EXOC6B: variants seen among roughly 807,000 people sequenced by gnomAD.
The protein encoded by EXOC6B is exocyst complex component 6B.
A neutral mutation model predicts 113.5 loss-of-function variants in EXOC6B; 54 were observed. The ratio of observed to expected loss-of-function variants is 0.48; its 90% confidence interval spans 0.38 to 0.60. The LOEUF is 0.60. Among genes scored for constraint, EXOC6B ranks in the 20% least tolerant of loss-of-function variants. EXOC6B has a pLI of 0.00. For synonymous variants in EXOC6B, 357 were observed against 339.0 expected, an observed-to-expected ratio of 1.05 and a Z score of -0.58; for missense variants, 797 against 977.5, an observed-to-expected ratio of 0.82 and a Z score of 2.46.
At chr2:72,520,401 TAGA>T (rs1701425575) in intron 8 of EXOC6B, among the ~76,000 whole-genome samples, 1 of 152,252 alleles carries the variant, frequency 6.6e-6, no homozygotes. Context: ...TCCTGTTTCA[TAGA>T]GGCAATTCTT....
Position 72,179,221 on chromosome 2 carries a change from A to C in EXOC6B, c.*114T>G. On this transcript the variant is annotated 3_prime_UTR_variant, in exon 22 of 22. Coordinates refer to ENST00000272427, the MANE Select transcript of EXOC6B (RefSeq NM_015189.3). The stretch of plus-strand genomic sequence containing the variant: ...GAATACTGCACAGGGGTTAATAAAA[A>C]AATACATATGCTCTCTTTGAAGAAG... The C allele has an allele frequency of 7.9e-7, 1 of 1,263,820 alleles. No individual in the cohort carries two copies. Among genetic ancestry groups the C allele is most frequent in the Non-Finnish European group, 1.1e-6 (1 of 934,340 alleles). 78.3% of individuals were successfully genotyped at this position (1,263,820 alleles called of 1,614,324 possible). A position where few individuals can be genotyped will look rare whatever the true frequency, so the allele number is the denominator to read the frequency against.
chr2:72,536,330 G>A (rs12998681), intron 8 of EXOC6B, among the ~76,000 whole-genome samples: 129,405 of 152,168 alleles, frequency 0.85, 55,581 homozygotes, highest in East Asian at 0.99. Context: ...AGATTGTACT[G>A]TCAACTGTAT....
chr2:72,213,854 A>C (rs1214606702), intron 20 of EXOC6B, among the ~76,000 whole-genome samples: 1 of 152,132 alleles, frequency 6.6e-6, no homozygotes, highest in African/African-American at 2.4e-5. Flanking sequence ...CTGGACACGG[A>C]ATCTGCCTTG....
rs185634150 is a variant in EXOC6B, at chr2:72,825,732, C to G, written c.113+66G>C. On this transcript the variant is annotated intron_variant, in intron 1 of 21. Coordinates refer to ENST00000272427, the MANE Select transcript of EXOC6B (RefSeq NM_015189.3). The surrounding 1 kb of genome is among the most constrained non-coding windows in gnomAD (Gnocchi z 4.4). ...ACCTGGGGACAGCCGGCCGGAGGCC[C>G]GACCCAGAGGAGCCTGCCCCGTCCC... 413 of 1,479,968 alleles carry G rather than the reference C, an allele frequency of 2.8e-4. No individual in the cohort carries two copies. Among genetic ancestry groups the G allele is most frequent in the Admixed American group, 6.6e-4 (31 of 46,782 alleles). The allele number at this position is 1,479,968 out of a possible 1,614,324, so 91.7% of individuals were successfully genotyped here.
chr2:72,533,124 A>G (rs1702102464), intron 8 of EXOC6B, among the ~76,000 whole-genome samples: 1 of 152,188 alleles, frequency 6.6e-6, no homozygotes, highest in Non-Finnish European at 1.5e-5. Flanking sequence ...GGAGGACCCA[A>G]ATGCAGCCTG....
intron 18 of EXOC6B, among the ~76,000 whole-genome samples, chr2:72,420,312 C>T (rs767591155): frequency 2.6e-4 from 40 of 152,104 alleles, no homozygotes; most frequent in Middle Eastern, 3.4e-3. Context: ...TAGGTATACA[C>T]GTGCCATAGT....
intron 19 of EXOC6B, among the ~76,000 whole-genome samples, chr2:72,343,686 T>G (rs2104915100): frequency 6.6e-6 from 1 of 152,240 alleles, no homozygotes; most frequent in South Asian, 2.1e-4. Flanking sequence ...TTTTTTCAGA[T>G]ATGTATATAA....
chr2:72,634,618 C>T (rs1275033802), intron 6 of EXOC6B, among the ~76,000 whole-genome samples: 1 of 152,168 alleles, frequency 6.6e-6, no homozygotes, highest in Admixed American at 6.5e-5. Context: ...GGGACTTCAG[C>T]ACCTCCACCT....
At chr2:72,666,385 A>G (rs1675390711) in intron 6 of EXOC6B, among the ~76,000 whole-genome samples, 1 of 152,132 alleles carries the variant, frequency 6.6e-6, no homozygotes, top group African/African-American at 2.4e-5. Flanking sequence ...GATCAACCAC[A>G]TGCTTGGTCA....
At chr2:72,268,761 T>A (rs1684294470) in intron 20 of EXOC6B, among the ~76,000 whole-genome samples, 1 of 151,962 alleles carries the variant, frequency 6.6e-6, no homozygotes, top group African/African-American at 2.4e-5. Context: ...TAAAGGAGTG[T>A]GGCACCTCCC....
intron 20 of EXOC6B, among the ~76,000 whole-genome samples, chr2:72,210,121 C>T (rs2104380737): frequency 6.6e-6 from 1 of 152,250 alleles, no homozygotes; most frequent in South Asian, 2.1e-4. Context: ...TGCTCTCAGC[C>T]TCCTCCCTAG....
At chr2:72,353,573 C>T (rs1689793606) in intron 19 of EXOC6B, among the ~76,000 whole-genome samples, 1 of 151,904 alleles carries the variant, frequency 6.6e-6, no homozygotes. Flanking sequence ...AGGGTTTCAC[C>T]ATGTTGGCCA....
chr2:72,568,865 TA>T (rs1207976004), intron 7 of EXOC6B, among the ~76,000 whole-genome samples: 2 of 149,874 alleles, frequency 1.3e-5, no homozygotes, highest in African/African-American at 5.0e-5. Context: ...AATGAGAATA[TA>T]AAAGAGAAAT....
chr2:72,728,489 G>T (rs569711322), intron 5 of EXOC6B, among the ~76,000 whole-genome samples: 1 of 152,088 alleles, frequency 6.6e-6, no homozygotes, highest in African/African-American at 2.4e-5. Context: ...TATCAGTAAG[G>T]ATAGTTATAG....
At chr2:72,428,766 G>T (rs960971811) in intron 18 of EXOC6B, among the ~76,000 whole-genome samples, 7 of 152,186 alleles carry the variant, frequency 4.6e-5, no homozygotes, top group African/African-American at 1.4e-4. Context: ...AATAGCCTTT[G>T]CAATAAGTGG....
chr2:72,467,372 A>G (rs189968519), intron 17 of EXOC6B, among the ~76,000 whole-genome samples: 3 of 152,312 alleles, frequency 2.0e-5, no homozygotes, highest in South Asian at 4.1e-4. Context: ...GCTGAAACAT[A>G]TGATAGTTCT....
At chr2:72,718,022 A>T in intron 6 of EXOC6B, 81 bp downstream of exon 6, 2 of 992,600 alleles carry the variant, frequency 2.0e-6, no homozygotes, top group African/African-American at 1.6e-5. Flanking sequence ...GATAATGACT[A>T]GACACTTGGC....
intron 2 of EXOC6B, among the ~76,000 whole-genome samples, chr2:72,740,220 A>G (rs1320146355): frequency 6.6e-6 from 1 of 152,134 alleles, no homozygotes; most frequent in Non-Finnish European, 1.5e-5. Flanking sequence ...TTACCAATAT[A>G]TTTTTTAAAC....
chr2:72,633,750 A>G (rs1343745765), intron 6 of EXOC6B, among the ~76,000 whole-genome samples: 1 of 152,228 alleles, frequency 6.6e-6, no homozygotes, highest in Non-Finnish European at 1.5e-5. Flanking sequence ...TGAAGTGTCT[A>G]AGACAGTATA....
Sources: gnomAD v4.1 joint callset for allele counts (sites outside exome capture counted in the v4.1 genomes callset) on GRCh38, gnomAD v4.1.1 for gene constraint, Gnocchi (gnomAD v3.1) non-coding constraint, MANE v1.5 for transcripts, NCBI Gene and HGNC (gene_info 2026-07-23, HGNC 2026-07-21) for gene names.